NMBR: variants seen among roughly 807,000 people sequenced by gnomAD.
NMBR encodes the protein neuromedin B receptor.
A neutral mutation model predicts 20.5 loss-of-function variants in NMBR; 16 were observed. That is an observed-to-expected ratio of 0.78 (90% confidence interval 0.53 to 1.19). The LOEUF (loss-of-function observed/expected upper bound fraction) is 1.19, where lower values mean the gene tolerates loss of function less well. NMBR is among the 50% of genes most tolerant of loss of function. The probability of loss-of-function intolerance (pLI) is 0.00; values close to 1 mark genes in which losing one functional copy is unlikely to be tolerated. For synonymous variants in NMBR, 212 were observed against 196.6 expected (o/e 1.08, Z -0.65); for missense variants, 582 against 499.1 (o/e 1.17, Z -1.58).
chr6:142,107,070 C>T (rs1277548814), intron 1 of NMBR, among the ~76,000 whole-genome samples: 3 of 152,122 alleles, frequency 2.0e-5, no homozygotes, highest in African/African-American at 7.2e-5. Flanking sequence ...ATTACGAGTT[C>T]AGGGCAGAGC....
At chr6:142,089,631 T>C (rs1001863650) in intron 1 of NMBR, among the ~76,000 whole-genome samples, 2 of 152,310 alleles carry the variant, frequency 1.3e-5, no homozygotes, top group African/African-American at 4.8e-5. Flanking sequence ...ATCGTATAAA[T>C]GGAATCATTC....
chr6:142,125,527 A>ATG (rs1167521103), intron 1 of NMBR, among the ~76,000 whole-genome samples: 170 of 149,908 alleles, frequency 1.1e-3, no homozygotes, highest in South Asian at 1.7e-3. Context: ...ACAATTACTC[A>ATG]TGCTTTTATG....
chr6:142,113,546 A>G (rs1777806472), intron 1 of NMBR, among the ~76,000 whole-genome samples: 1 of 152,156 alleles, frequency 6.6e-6, no homozygotes, highest in Admixed American at 6.6e-5. Context: ...CTTGACTGAA[A>G]TAATAAAACA....
At chr6:142,133,852 T>A (rs966344127) in intron 1 of NMBR, 1 of 678,600 alleles carries the variant, frequency 1.5e-6, no homozygotes, top group Non-Finnish European at 2.7e-6. Flanking sequence ...CATAACAGGT[T>A]AAACCTCCAA....
intron 1 of NMBR, chr6:142,133,783 A>AT (rs1224892449): frequency 1.1e-5 from 6 of 547,066 alleles, no homozygotes; most frequent in South Asian, 5.5e-5. Flanking sequence ...TGATATAAGG[A>AT]TTTTTTTAAA....
chr6:142,109,391 T>C (rs927519593), intron 1 of NMBR, among the ~76,000 whole-genome samples: 14 of 151,896 alleles, frequency 9.2e-5, no homozygotes, highest in African/African-American at 2.4e-4. Context: ...ATCTCCTTCA[T>C]GTACCCCAGG....
At chr6:142,107,179 A>T (rs1467989819) in intron 1 of NMBR, among the ~76,000 whole-genome samples, 1 of 152,178 alleles carries the variant, frequency 6.6e-6, no homozygotes, top group Non-Finnish European at 1.5e-5. Context: ...TATTTTATAA[A>T]CACTATCTAG....
intron 1 of NMBR, among the ~76,000 whole-genome samples, chr6:142,136,962 T>C (rs1048678709): frequency 6.6e-6 from 1 of 152,210 alleles, no homozygotes; most frequent in African/African-American, 2.4e-5. Flanking sequence ...TGGCTTAGGA[T>C]TGACTTGGTG....
chr6:142,145,543 T>G (rs1307528662), intron 1 of NMBR, among the ~76,000 whole-genome samples: 1 of 152,216 alleles, frequency 6.6e-6, no homozygotes, highest in Non-Finnish European at 1.5e-5. Flanking sequence ...AATAAATTAA[T>G]ATAAAGACCC....
chr6:142,091,502 G>T (rs899686518), intron 1 of NMBR, among the ~76,000 whole-genome samples: 1 of 152,038 alleles, frequency 6.6e-6, no homozygotes, highest in Non-Finnish European at 1.5e-5. Flanking sequence ...TATAATTATA[G>T]GCATGAGCCA....
At position 142,088,238 on chromosome 6, in the gene NMBR, T is replaced by C. The variant is rs1301922658; in HGVS notation, c.421A>G (p.Arg141Gly). ...ACTCACAGCTACCTGTGCTCTTACC[T>C]GTCGGCGCTGAGGGCAGTGAGAGTG... ...VFTLTALSAD[R>G]YRAIVNPMDM... Residue 141 changes from arginine (R) to glycine (G), a missense_variant and splice_region_variant, in exon 2 of 4, where the codon AGG (arginine) becomes GGG (glycine). Physicochemically the swap from Arg to Gly is moderately radical, Grantham distance 125. Transcript: ENST00000258042. 3 of 1,609,732 alleles carry C rather than the reference T, an allele frequency of 1.9e-6. No homozygotes were observed. In the South Asian group the frequency reaches 3.3e-5, roughly 18 times the overall value.
rs1249236247 is a variant in NMBR, at chr6:142,110,803, C to G, written c.-663-21482G>C. On this transcript the variant is annotated intron_variant, in intron 1 of 3. Transcript: ENST00000258042. ...GAGGAGGACCTGCCCAGATCATCAG[C>G]TTTTCATCTTAACTGCCAAATTCGT... Among the ~76,000 whole-genome samples the G allele has an allele frequency of 2.0e-5, 3 of 152,284 alleles. No individual in the cohort carries two copies. In the East Asian group the frequency reaches 5.8e-4, roughly 29 times the overall value.
chr6:142,130,097 A>C (rs1364507033), intron 1 of NMBR, among the ~76,000 whole-genome samples: 1 of 152,134 alleles, frequency 6.6e-6, no homozygotes, highest in Non-Finnish European at 1.5e-5. Flanking sequence ...GAGTGTAAAT[A>C]AGGGCCAGGC....
chr6:142,133,716 T>C, intron 1 of NMBR: 1 of 465,276 alleles, frequency 2.1e-6, no homozygotes, highest in Admixed American at 3.7e-5. Context: ...TTTGATTTGA[T>C]GATCTCTAAG....
chr6:142,116,430 T>G (rs934836704), intron 1 of NMBR, among the ~76,000 whole-genome samples: 3 of 151,978 alleles, frequency 2.0e-5, no homozygotes, highest in Non-Finnish European at 4.4e-5. Context: ...GGAGCTCTAT[T>G]TTCAGAGACT....
At position 142,088,442 on chromosome 6, in the gene NMBR, C is replaced by G. The variant is rs375237353; in HGVS notation, c.217G>C (p.Ala73Pro). The change falls in exon 2 of 4, where the codon GCC (alanine) becomes CCC (proline). Residue 73 changes from alanine to proline, a missense_variant. Transcript: ENST00000258042. ...AAGATGTTGGGGACGCTCCTCATGG[C>G]GCTGTTGGTGATGAAGATCTTCACC... ...MLVKIFITNS[A>P]MRSVPNIFIS... 1 of 1,613,890 alleles carries G rather than the reference C, an allele frequency of 6.2e-7. No individual in the cohort carries two copies. The highest frequency in any genetic ancestry group is 1.3e-5 in the African/African-American group (1 of 74,860).
At chr6:142,125,759 G>A (rs946868226) in intron 1 of NMBR, among the ~76,000 whole-genome samples, 2 of 151,674 alleles carry the variant, frequency 1.3e-5, no homozygotes, top group African/African-American at 2.4e-5. Context: ...GGTATTTAAG[G>A]TGTACAACTT....
intron 1 of NMBR, among the ~76,000 whole-genome samples, chr6:142,101,313 A>G (rs966219450): frequency 6.6e-6 from 1 of 152,160 alleles, no homozygotes; most frequent in Non-Finnish European, 1.5e-5. Flanking sequence ...TAAAATATAT[A>G]AGGAAACAGC....
At chr6:142,135,430 A>T (rs1268898713) in intron 1 of NMBR, among the ~76,000 whole-genome samples, 1 of 152,116 alleles carries the variant, frequency 6.6e-6, no homozygotes, top group Non-Finnish European at 1.5e-5. Context: ...ACATAGTTTG[A>T]CCATTAACTT....
Sources: gnomAD v4.1 joint callset for allele counts (sites outside exome capture counted in the v4.1 genomes callset) on GRCh38, gnomAD v4.1.1 for gene constraint, MANE v1.5 for transcripts, NCBI Gene and HGNC (gene_info 2026-07-23, HGNC 2026-07-21) for gene names.